The following CAMK4 variants were observed in gnomAD, a reference collection of about 807,000 sequenced individuals.
CAMK4 encodes the protein calcium/calmodulin dependent protein kinase IV.
Under a neutral mutation model 44.9 loss-of-function variants are expected in CAMK4, and 22 were observed. The ratio of observed to expected loss-of-function variants is 0.49; its 90% CI spans 0.35 to 0.70. The LOEUF is 0.70. CAMK4 is among the 30% of genes least tolerant of loss of function. The pLI, the probability that CAMK4 is intolerant of heterozygous loss-of-function variation, is 0.01. For missense variants in CAMK4, 498 were observed against 586.8 expected (o/e 0.85, Z 1.56); for synonymous variants, 218 against 215.4 (o/e 1.01, Z -0.11).
At chr5:111,375,227 C>A (rs898718084) in intron 3 of CAMK4, among the ~76,000 whole-genome samples, 2 of 152,102 alleles carry the variant, frequency 1.3e-5, no homozygotes, top group Non-Finnish European at 2.9e-5. Context: ...CTTTTGTGTG[C>A]CTATCTTATT....
At chr5:111,227,051 A>G (rs897438222) in intron 1 of CAMK4, among the ~76,000 whole-genome samples, 3 of 152,204 alleles carry the variant, frequency 2.0e-5, no homozygotes, top group Admixed American at 6.5e-5. Flanking sequence ...TCAGCAGTAA[A>G]GCGTATTGTT....
intron 5 of CAMK4, among the ~76,000 whole-genome samples, chr5:111,412,550 G>A (rs1367045708): frequency 6.6e-6 from 1 of 152,190 alleles, no homozygotes; most frequent in East Asian, 1.9e-4. Flanking sequence ...TAGAGCAAGT[G>A]TCTACAGGGA....
intron 1 of CAMK4, among the ~76,000 whole-genome samples, chr5:111,312,180 A>G (rs1282990348): frequency 6.6e-6 from 1 of 152,156 alleles, no homozygotes; most frequent in East Asian, 1.9e-4. Context: ...TTGCAGCTGG[A>G]TGCCAAGACC....
At chr5:111,321,315 G>T (rs563566248) in intron 1 of CAMK4, among the ~76,000 whole-genome samples, 146 of 152,160 alleles carry the variant, frequency 9.6e-4, no homozygotes, top group African/African-American at 3.4e-3. Flanking sequence ...TCTGAATTTT[G>T]GTGAAATCTC....
rs965741155 is a variant in CAMK4 at position 111,419,564 on chromosome 5, T to C, written c.459+24782T>C. On this transcript the variant is annotated intron_variant, in intron 5 of 10. Coordinates refer to ENST00000282356, the MANE Select transcript of CAMK4 (RefSeq NM_001744.6). Reference sequence around the variant, plus strand: ...ATTGCCTAGGTTTTCTTCTAGGGTTTTTATGGTTTTAGGTCTAACATGTAA... The same window carrying C: ...ATTGCCTAGGTTTTCTTCTAGGGTTCTTATGGTTTTAGGTCTAACATGTAA... Among the ~76,000 whole-genome samples, 14 of 152,360 alleles carry C rather than the reference T, an allele frequency of 9.2e-5. 1 individual carries two copies. In the East Asian group the frequency reaches 1.4e-3, roughly 15 times the overall value.
intron 1 of CAMK4, among the ~76,000 whole-genome samples, chr5:111,225,546 A>G (rs1748148497): frequency 6.6e-6 from 1 of 152,162 alleles, no homozygotes. Context: ...TCTTTAGTAT[A>G]GGGAATCTGA....
intron 1 of CAMK4, among the ~76,000 whole-genome samples, chr5:111,330,701 G>A (rs1749129995): frequency 6.7e-6 from 1 of 148,436 alleles, no homozygotes; most frequent in Non-Finnish European, 1.5e-5. Flanking sequence ...GGAGTTTGGT[G>A]TCAATAGTGG....
intron 2 of CAMK4, among the ~76,000 whole-genome samples, chr5:111,373,244 C>T (rs997379689): frequency 5.3e-5 from 8 of 151,958 alleles, no homozygotes; most frequent in Admixed American, 2.0e-4. Context: ...TGTTTTATTG[C>T]GTATACGGGT....
intron 1 of CAMK4, among the ~76,000 whole-genome samples, chr5:111,272,095 GTGTGTGTGTGTT>G (rs202045577): frequency 0.015 from 2,225 of 151,584 alleles, 52 homozygotes; most frequent in African/African-American, 0.051. Context: ...ACAGCCCTCT[GTGTGTGTGTGTT>G]TGTGTGTGTG....
At chr5:111,473,462 A>G (rs1341716154) in intron 8 of CAMK4, 76 bp downstream of exon 8, 18 of 910,596 alleles carry the variant, frequency 2.0e-5, no homozygotes, top group Non-Finnish European at 3.2e-5. Context: ...TAATGCTCAT[A>G]AAAACCATAA....
intron 1 of CAMK4, among the ~76,000 whole-genome samples, chr5:111,243,821 T>C (rs999187355): frequency 3.3e-5 from 5 of 152,220 alleles, no homozygotes; most frequent in Non-Finnish European, 4.4e-5. Flanking sequence ...GAAGATATTG[T>C]GACTGTATCT....
intron 5 of CAMK4, among the ~76,000 whole-genome samples, chr5:111,418,559 G>A (rs140395697): frequency 0.052 from 7,874 of 151,422 alleles, 272 homozygotes; most frequent in African/African-American, 0.092. Context: ...GTCATTTAGC[G>A]TTAGGTATAT....
At chr5:111,417,722 C>G (rs781641532) in intron 5 of CAMK4, among the ~76,000 whole-genome samples, 25 of 152,116 alleles carry the variant, frequency 1.6e-4, no homozygotes, top group Non-Finnish European at 3.1e-4. Context: ...TAGGAAATTT[C>G]CAGATATTTG....
intron 1 of CAMK4, among the ~76,000 whole-genome samples, chr5:111,287,150 G>A (rs1297447410): frequency 1.3e-5 from 2 of 152,118 alleles, no homozygotes; most frequent in Non-Finnish European, 2.9e-5. Flanking sequence ...AGTAGTTAGA[G>A]TTTCCCATAG....
intron 1 of CAMK4, among the ~76,000 whole-genome samples, chr5:111,315,505 A>G (rs1010787310): frequency 2.6e-5 from 4 of 152,124 alleles, no homozygotes; most frequent in African/African-American, 7.2e-5. Flanking sequence ...ATTTAGTTTC[A>G]TTTACGTGCC....
At chr5:111,437,022 C>T (rs759950) in intron 5 of CAMK4, among the ~76,000 whole-genome samples, 49,928 of 152,142 alleles carry the variant, frequency 0.33, 9,150 homozygotes, top group Middle Eastern at 0.49. Flanking sequence ...CTTCTGATCT[C>T]GCAGTTAAAA....
intron 1 of CAMK4, among the ~76,000 whole-genome samples, chr5:111,250,733 C>T (rs2112539719): frequency 6.6e-6 from 1 of 152,310 alleles, no homozygotes; most frequent in Non-Finnish European, 1.5e-5. Flanking sequence ...ATGATCTTTT[C>T]TGACATCCAT....
intron 8 of CAMK4, among the ~76,000 whole-genome samples, chr5:111,478,110 A>G (rs1210983545): frequency 6.6e-6 from 1 of 151,090 alleles, no homozygotes; most frequent in Non-Finnish European, 1.5e-5. Flanking sequence ...TATAATAATA[A>G]TTATTATTAC....
chr5:111,324,356 GAA>G (rs1748786450), intron 1 of CAMK4, among the ~76,000 whole-genome samples: 1 of 151,846 alleles, frequency 6.6e-6, no homozygotes, highest in Non-Finnish European at 1.5e-5. Context: ...GATATAAAAA[GAA>G]ATATTCAAAT....
Sources: gnomAD v4.1 joint callset for allele counts (sites outside exome capture counted in the v4.1 genomes callset) on GRCh38, gnomAD v4.1.1 for gene constraint, MANE v1.5 for transcripts, NCBI Gene and HGNC (gene_info 2026-07-23, HGNC 2026-07-21) for gene names.